CDYL: variants seen among roughly 807,000 people sequenced by gnomAD.
CDYL encodes chromodomain Y like, also known as chromodomain Y-like protein.
A neutral mutation model predicts 47.3 loss-of-function variants in CDYL; 8 were observed. That is an observed-to-expected ratio of 0.17 (90% CI 0.10 to 0.31). CDYL has a LOEUF of 0.31. CDYL is among the 10% of genes least tolerant of loss of function. The pLI is 1.00. For synonymous variants in CDYL, 266 were observed against 265.0 expected (o/e 1.00, Z -0.04); for missense variants, 471 against 701.4 (o/e 0.67, Z 3.71).
intron 1 of CDYL, among the ~76,000 whole-genome samples, chr6:4,855,165 C>A (rs1222244510): frequency 1.3e-5 from 2 of 152,272 alleles, no homozygotes; most frequent in East Asian, 1.9e-4. Context: ...ATTAATAGAT[C>A]TGCAATGGAT....
At chr6:4,866,156 C>T (rs1312178415) in intron 1 of CDYL, among the ~76,000 whole-genome samples, 1 of 151,970 alleles carries the variant, frequency 6.6e-6, no homozygotes, top group Non-Finnish European at 1.5e-5. Context: ...AGAAAACAAA[C>T]CGGAATTAAG....
At chr6:4,767,518 AG>A (rs1758273985) in intron 3 of CDYL, among the ~76,000 whole-genome samples, 1 of 150,124 alleles carries the variant, frequency 6.7e-6, no homozygotes, top group African/African-American at 2.4e-5. Flanking sequence ...GGTTGCAGTG[AG>A]CTGAGATTGT....
chr6:4,776,838 C>G, intron 1 of CDYL, 31 bp downstream of exon 1: 2 of 881,206 alleles, frequency 2.3e-6, no homozygotes, highest in South Asian at 9.5e-5. Context: ...CTCGGGCCGC[C>G]CCCCGCCCGC....
At chr6:4,945,445 A>C (rs1328714065) in intron 5 of CDYL, among the ~76,000 whole-genome samples, 3 of 152,134 alleles carry the variant, frequency 2.0e-5, no homozygotes, top group Non-Finnish European at 4.4e-5. Context: ...CTCACACCCC[A>C]GGGTAGTTCC....
In CDYL at chr6:4,895,261, G is replaced by GTATACATGTATGTATATATGTGCATA. The variant is rs1762206812; in HGVS notation, c.691+2886_691+2911dup. On this transcript the variant is annotated intron_variant, in intron 2 of 6. Transcript: ENST00000397588. ...TGTACAGATGTGTATATATGTGCAT[G>GTATACATGTATGTATATATGTGCATA]TATACATGTATGTATATATGTGCAT... is the stretch of plus-strand genomic sequence containing the variant. Among the ~76,000 whole-genome samples the GTATACATGTATGTATATATGTGCATA allele has an allele frequency of 1.1e-3, 6 of 5,254 alleles. 3 individuals are homozygous for GTATACATGTATGTATATATGTGCATA. Among genetic ancestry groups the GTATACATGTATGTATATATGTGCATA allele is most frequent in the African/African-American group, 1.2e-3 (6 of 5,032 alleles). The allele number at this position is 5,254 out of a possible 152,430, so 3.4% of individuals were successfully genotyped here.
At chr6:4,925,180 C>G (rs2127512147) in intron 2 of CDYL, among the ~76,000 whole-genome samples, 1 of 152,274 alleles carries the variant, frequency 6.6e-6, no homozygotes, top group Admixed American at 6.5e-5. Flanking sequence ...CACTGACTTT[C>G]TCCAGACAAT....
chr6:4,880,499 T>C (rs887644082), intron 1 of CDYL, among the ~76,000 whole-genome samples: 1 of 152,198 alleles, frequency 6.6e-6, no homozygotes, highest in Non-Finnish European at 1.5e-5. Context: ...TATATAAATA[T>C]TTGTTTGGAA....
intron 3 of CDYL, among the ~76,000 whole-genome samples, chr6:4,771,002 T>C (rs970085386): frequency 1.1e-4 from 16 of 152,200 alleles, no homozygotes; most frequent in Admixed American, 6.5e-4. Context: ...TATTTGTGTA[T>C]ATGTATAATG....
At chr6:4,806,723 G>A (rs62386578) in intron 1 of CDYL, among the ~76,000 whole-genome samples, 14,320 of 152,196 alleles carry the variant, frequency 0.094, 749 homozygotes, top group South Asian at 0.13. Context: ...TCGATGATCT[G>A]GACACTTTCA....
intron 2 of CDYL, among the ~76,000 whole-genome samples, chr6:4,899,022 G>C (rs1051962392): frequency 6.6e-6 from 1 of 152,170 alleles, no homozygotes; most frequent in Non-Finnish European, 1.5e-5. Flanking sequence ...AAACTTAGGT[G>C]TACTTAGAAA....
chr6:4,928,380 G>A (rs1345013961), intron 2 of CDYL, among the ~76,000 whole-genome samples: 1 of 152,074 alleles, frequency 6.6e-6, no homozygotes, highest in African/African-American at 2.4e-5. Context: ...CAGGATTATG[G>A]ATGTTTTCTT....
intron 1 of CDYL, among the ~76,000 whole-genome samples, chr6:4,877,694 C>T (rs1761657563): frequency 6.6e-6 from 1 of 152,200 alleles, no homozygotes; most frequent in Non-Finnish European, 1.5e-5. Context: ...TTTGTAGATA[C>T]TTACACAGGT....
At chr6:4,775,158 C>G (rs1459110602), upstream of CDYL, 2 of 153,242 alleles carry the variant, frequency 1.3e-5, no homozygotes, top group Admixed American at 1.3e-4. The surrounding 1 kb of genome is among the most constrained non-coding windows in gnomAD (Gnocchi z 7.0). Context: ...AGTGAGGCGG[C>G]CCGAAGGATG....
intron 1 of CDYL, among the ~76,000 whole-genome samples, chr6:4,706,849 A>G (rs1757055273): frequency 6.6e-6 from 1 of 152,180 alleles, no homozygotes; most frequent in Admixed American, 6.5e-5. Flanking sequence ...GATTGAGGAC[A>G]GACTTCAGAA....
intron 1 of CDYL, among the ~76,000 whole-genome samples, chr6:4,708,498 G>A (rs1021091299): frequency 6.6e-6 from 1 of 152,058 alleles, no homozygotes; most frequent in African/African-American, 2.4e-5. Flanking sequence ...TCATATCAAT[G>A]AATAAACATT....
chr6:4,724,151 C>T (rs150018112), intron 2 of CDYL, among the ~76,000 whole-genome samples: 98 of 152,314 alleles, frequency 6.4e-4, no homozygotes, highest in African/African-American at 2.2e-3. Flanking sequence ...AATGATTCTC[C>T]TGCCTCAGCT....
At chr6:4,763,867 C>T (rs796106040) in intron 3 of CDYL, among the ~76,000 whole-genome samples, 20 of 152,136 alleles carry the variant, frequency 1.3e-4, no homozygotes, top group African/African-American at 3.6e-4. Context: ...CACTTGAACC[C>T]GGGAGGCAGA....
At position 4,943,776 on chromosome 6, in the gene CDYL, A is replaced by C; in HGVS notation, c.1332+20A>C. ...GCATCTGTGAGTACCTTTTTAAAAA[A>C]AAAAAAAAAAAGTCATTCTAGAAAG... On this transcript the variant is annotated intron_variant, in intron 5 of 6. Coordinates refer to ENST00000397588, the MANE Select transcript of CDYL (RefSeq NM_004824.4). The C allele has an allele frequency of 6.6e-7, 1 of 1,521,416 alleles. No individual in the cohort carries two copies. Among genetic ancestry groups the C allele is most frequent in the Middle Eastern group, 2.1e-4 (1 of 4,658 alleles). 94.2% of individuals were successfully genotyped at this position (1,521,416 alleles called of 1,614,324 possible).
chr6:4,850,304 G>T (rs1449975008), intron 1 of CDYL, among the ~76,000 whole-genome samples: 2 of 152,196 alleles, frequency 1.3e-5, no homozygotes, highest in Non-Finnish European at 2.9e-5. Flanking sequence ...GTTGAGCTAT[G>T]ACTGAAGAGA....
Sources: allele counts gnomAD v4.1 joint callset (sites outside exome capture counted in the v4.1 genomes callset), GRCh38; gene constraint gnomAD v4.1.1; non-coding constraint Gnocchi (gnomAD v3.1); transcripts MANE v1.5; gene names NCBI Gene and HGNC (gene_info 2026-07-23, HGNC 2026-07-21).